PCDH11X: variants seen among roughly 807,000 people sequenced by gnomAD.
The protein encoded by PCDH11X is protocadherin 11 X-linked.
In PCDH11X, 18 loss-of-function variants were observed where a neutral mutation model predicts 53.3. The observed-to-expected ratio is 0.34, with a 90% CI of 0.23 to 0.50. PCDH11X has a LOEUF of 0.50. PCDH11X is among the 20% of genes least tolerant of loss of function. PCDH11X has a pLI of 0.98. For synonymous variants in PCDH11X, 279 were observed against 393.3 expected (o/e 0.71, Z 3.44); for missense variants, 570 against 1,032.4 (o/e 0.55, Z 6.14).
chrX:92,184,127 A>C (rs919983673), intron 6 of PCDH11X, among the ~76,000 whole-genome samples: 29 of 111,820 alleles, frequency 2.6e-4, no homozygotes, highest in African/African-American at 9.1e-4. Flanking sequence ...TTATTGAATA[A>C]ATGAGTGAAT....
At chrX:92,345,717 G>A (rs2069877502) in intron 8 of PCDH11X, among the ~76,000 whole-genome samples, 2 of 110,173 alleles carry the variant, frequency 1.8e-5, no homozygotes, top group South Asian at 7.6e-4. Flanking sequence ...CGCATTATAG[G>A]AATTCATGAA....
At chrX:91,838,813 A>G (rs1199138009) in intron 5 of PCDH11X, among the ~76,000 whole-genome samples, 1 of 107,235 alleles carries the variant, frequency 9.3e-6, no homozygotes, top group Admixed American at 1.0e-4. Flanking sequence ...ATGTATATGA[A>G]TAGTTCAAAT....
At chrX:92,294,232 C>A (rs1213184425) in intron 8 of PCDH11X, among the ~76,000 whole-genome samples, 1 of 110,519 alleles carries the variant, frequency 9.0e-6, no homozygotes, top group Non-Finnish European at 1.9e-5. Context: ...ACTTCCACCT[C>A]CCAGGTTCAA....
chrX:91,782,912 C>G (rs1483514050), intron 1 of PCDH11X, among the ~76,000 whole-genome samples: 2 of 111,121 alleles, frequency 1.8e-5, no homozygotes, highest in Non-Finnish European at 3.8e-5. Flanking sequence ...GTAGAAGGGC[C>G]GCAGAATGCA....
chrX:92,463,051 T>C (rs2148658299), intron 9 of PCDH11X, among the ~76,000 whole-genome samples: 1 of 108,425 alleles, frequency 9.2e-6, no homozygotes, highest in Admixed American at 9.9e-5. Flanking sequence ...AAAGGAGTTA[T>C]TATGATTGGC....
At chrX:92,611,046 T>C (rs139069025) in intron 10 of PCDH11X, among the ~76,000 whole-genome samples, 8,566 of 110,705 alleles carry the variant, frequency 0.077, 822 homozygotes, top group African/African-American at 0.26. Flanking sequence ...TCCAGCTTTG[T>C]TCTTTTTGCT....
chrX:92,342,756 A>G (rs756976637), intron 8 of PCDH11X, among the ~76,000 whole-genome samples: 5 of 111,225 alleles, frequency 4.5e-5, no homozygotes, highest in Non-Finnish European at 9.4e-5. Context: ...TATGCTCACT[A>G]GCTGAGTGAT....
intron 6 of PCDH11X, among the ~76,000 whole-genome samples, chrX:91,944,318 T>G (rs1232490496): frequency 1.0e-5 from 1 of 100,137 alleles, no homozygotes; most frequent in African/African-American, 3.7e-5. Context: ...TTGCCTATAC[T>G]CCAGAAAAAA....
intron 6 of PCDH11X, among the ~76,000 whole-genome samples, chrX:91,975,197 G>C (rs1286526871): frequency 1.8e-5 from 2 of 111,568 alleles, no homozygotes; most frequent in Admixed American, 9.6e-5. Flanking sequence ...GTGGTGAAAA[G>C]TGGTCAGTTT....
At chrX:91,925,547 T>C (rs1157573705) in intron 6 of PCDH11X, among the ~76,000 whole-genome samples, 1 of 111,157 alleles carries the variant, frequency 9.0e-6, no homozygotes, top group Non-Finnish European at 1.9e-5. Flanking sequence ...CCTATCTCAC[T>C]AAAGTCATTA....
chrX:92,191,305 GT>G (rs754619949), intron 6 of PCDH11X, among the ~76,000 whole-genome samples: 1 of 111,639 alleles, frequency 9.0e-6, no homozygotes, highest in South Asian at 3.7e-4. Flanking sequence ...AATTATATTT[GT>G]TTTATTTTCT....
At chrX:92,022,961 G>A (rs1455482917) in intron 6 of PCDH11X, among the ~76,000 whole-genome samples, 3 of 110,197 alleles carry the variant, frequency 2.7e-5, no homozygotes, top group African/African-American at 1.0e-4. Context: ...GAAGTTCTTT[G>A]AAACCAGTGA....
chrX:92,325,799 T>G (rs2148497951), intron 8 of PCDH11X, among the ~76,000 whole-genome samples: 1 of 110,326 alleles, frequency 9.1e-6, no homozygotes, highest in Admixed American at 9.7e-5. Context: ...AGCCATCTTA[T>G]GTTAGTTTCA....
At chrX:92,575,305 T>G (rs1922696851) in intron 10 of PCDH11X, among the ~76,000 whole-genome samples, 1 of 110,477 alleles carries the variant, frequency 9.1e-6, no homozygotes, top group Non-Finnish European at 1.9e-5. Flanking sequence ...TGTTATTAAT[T>G]AAATTACACA....
intron 6 of PCDH11X, among the ~76,000 whole-genome samples, chrX:92,076,355 A>G (rs1437612902): frequency 3.1e-5 from 3 of 97,147 alleles, no homozygotes; most frequent in East Asian, 6.9e-4. Flanking sequence ...AGATGTGCCA[A>G]ACTTCCTAGT....
intron 4 of PCDH11X, 75 bp downstream of exon 4, chrX:91,811,370 G>A: frequency 1.1e-6 from 1 of 893,104 alleles, no homozygotes; most frequent in Non-Finnish European, 1.6e-6. Flanking sequence ...AATTTTGTCT[G>A]AACTCCAATT....
At chrX:91,780,815 C>T (rs370707643) in intron 1 of PCDH11X, among the ~76,000 whole-genome samples, 22 of 113,056 alleles carry the variant, frequency 1.9e-4, no homozygotes, top group African/African-American at 7.1e-4. Context: ...GGACTCGCAT[C>T]TGAGCGCTTA....
In PCDH11X at chrX:91,785,416, C is replaced by T. The variant is rs1439512798; in HGVS notation, c.-379+5732C>T. 2.7e-5 allele frequency among the ~76,000 whole-genome samples: 3 copies of T among 109,787 alleles called. No homozygotes were observed. In the East Asian group the frequency reaches 8.6e-4, roughly 31 times the overall value. On this transcript the variant is annotated intron_variant, in intron 1 of 10. Coordinates refer to ENST00000682573, the MANE Select transcript of PCDH11X (RefSeq NM_032968.5). ...CCCTGTTTGTTTTATTTTAACTGCACTCTTAGAAAATTCTTTTTCTGTGTG... is the reference window on the plus strand; with the variant it reads ...CCCTGTTTGTTTTATTTTAACTGCATTCTTAGAAAATTCTTTTTCTGTGTG...
At chrX:91,908,667 G>C (rs1325444406) in intron 6 of PCDH11X, among the ~76,000 whole-genome samples, 1 of 108,533 alleles carries the variant, frequency 9.2e-6, no homozygotes, top group African/African-American at 3.4e-5. Flanking sequence ...AGCTGGGCAT[G>C]GTGGGACTGT....
Sources: gnomAD v4.1 joint callset for allele counts (sites outside exome capture counted in the v4.1 genomes callset) on GRCh38, gnomAD v4.1.1 for gene constraint, MANE v1.5 for transcripts, NCBI Gene and HGNC (gene_info 2026-07-23, HGNC 2026-07-21) for gene names.